Variants in LIPC observed in about 807,000 individuals in gnomAD.
LIPC encodes the protein lipase C, hepatic type.
Under a neutral mutation model 50.7 loss-of-function variants are expected in LIPC, and 44 were observed. The ratio of observed to expected loss-of-function variants is 0.87; its 90% CI spans 0.68 to 1.11. The LOEUF (loss-of-function observed/expected upper bound fraction) is 1.11. Among genes scored for constraint, LIPC ranks in the 50% most tolerant of loss-of-function variants. LIPC has a pLI of 0.00. For synonymous variants in LIPC, 271 were observed against 256.4 expected (o/e 1.06, Z -0.54); for missense variants, 697 against 648.2 (o/e 1.08, Z -0.82).
intron 1 of LIPC, among the ~76,000 whole-genome samples, chr15:58,482,556 A>G (rs541324371): frequency 2.8e-4 from 42 of 152,352 alleles, no homozygotes; most frequent in Admixed American, 5.2e-4. Context: ...GGTAAGAAAC[A>G]GTCCATGAAA....
chr15:58,471,030 G>C (rs988217475), intron 1 of LIPC, among the ~76,000 whole-genome samples: 1 of 151,790 alleles, frequency 6.6e-6, no homozygotes, highest in African/African-American at 2.4e-5. Flanking sequence ...TAGTATTTTT[G>C]CAGGAGAAAT....
intron 1 of LIPC, among the ~76,000 whole-genome samples, chr15:58,440,101 G>C (rs1240079302): frequency 2.6e-5 from 4 of 152,198 alleles, no homozygotes; most frequent in Non-Finnish European, 2.9e-5. Context: ...TTGTGAAAAT[G>C]TATTTGTCCA....
intron 1 of LIPC, among the ~76,000 whole-genome samples, chr15:58,450,998 G>A (rs527998897): frequency 8.5e-5 from 13 of 152,264 alleles, no homozygotes; most frequent in Admixed American, 2.6e-4. Context: ...CTGCAATTGC[G>A]ATTTATCAGT....
At chr15:58,489,217 C>CGGGGGGGGGGGGG (rs59532809) in intron 1 of LIPC, among the ~76,000 whole-genome samples, 2 of 16,560 alleles carry the variant, frequency 1.2e-4, no homozygotes, top group Non-Finnish European at 1.8e-4. Context: ...CATTTTGTTG[C>CGGGGGGGGGGGGG]GGGGGCGGGG....
intron 8 of LIPC, chr15:58,565,184 C>T: frequency 6.5e-7 from 1 of 1,535,466 alleles, no homozygotes; most frequent in Non-Finnish European, 8.7e-7. Flanking sequence ...AACAGATCTC[C>T]CAACAGGATC....
chr15:58,537,846 G>C (rs1893185905), intron 1 of LIPC, among the ~76,000 whole-genome samples: 1 of 152,040 alleles, frequency 6.6e-6, no homozygotes, highest in African/African-American at 2.4e-5. Flanking sequence ...TAATCTGTCT[G>C]CACGTGAGGA....
intron 1 of LIPC, among the ~76,000 whole-genome samples, chr15:58,499,321 C>G (rs1228664774): frequency 6.6e-6 from 1 of 152,186 alleles, no homozygotes; most frequent in Non-Finnish European, 1.5e-5. Flanking sequence ...GTTATGCTGG[C>G]TCAAAAACAG....
chr15:58,553,538 A>G (rs118174606), intron 6 of LIPC, among the ~76,000 whole-genome samples: 2,138 of 152,310 alleles, frequency 0.014, 22 homozygotes, highest in Non-Finnish European at 0.02. Context: ...GGCTGCAGTG[A>G]GACATGATGG....
chr15:58,561,526 C>T (rs1235755581), intron 7 of LIPC, among the ~76,000 whole-genome samples: 1 of 152,164 alleles, frequency 6.6e-6, no homozygotes, highest in Non-Finnish European at 1.5e-5. Flanking sequence ...GTAAATGTTT[C>T]TTATCAGACT....
At chr15:58,511,172 C>G (rs752983982) in intron 1 of LIPC, among the ~76,000 whole-genome samples, 2 of 152,182 alleles carry the variant, frequency 1.3e-5, no homozygotes, top group African/African-American at 2.4e-5. Context: ...GTACAAAATA[C>G]GAATTAAATG....
At chr15:58,437,565 A>C (rs1893347729) in intron 1 of LIPC, among the ~76,000 whole-genome samples, 1 of 152,136 alleles carries the variant, frequency 6.6e-6, no homozygotes, top group African/African-American at 2.4e-5. Context: ...GGCCCTGATC[A>C]GCTACAGTTA....
chr15:58,534,510 C>T (rs571339725), intron 1 of LIPC, among the ~76,000 whole-genome samples: 1 of 152,210 alleles, frequency 6.6e-6, no homozygotes, highest in Admixed American at 6.5e-5. Context: ...CTTATAGACT[C>T]ACGGTGACTT....
At chr15:58,464,618 G>C (rs1392984011) in intron 1 of LIPC, among the ~76,000 whole-genome samples, 1 of 152,150 alleles carries the variant, frequency 6.6e-6, no homozygotes, top group African/African-American at 2.4e-5. Flanking sequence ...AACTTCTTGG[G>C]ATGAGTCCTT....
At chr15:58,501,803 G>A (rs1410162129) in intron 1 of LIPC, among the ~76,000 whole-genome samples, 1 of 152,138 alleles carries the variant, frequency 6.6e-6, no homozygotes, top group East Asian at 1.9e-4. Flanking sequence ...ATCCAGCTCT[G>A]ACACTGTGGC....
intron 1 of LIPC, among the ~76,000 whole-genome samples, chr15:58,473,057 G>T (rs1389755748): frequency 6.6e-6 from 1 of 152,204 alleles, no homozygotes; most frequent in South Asian, 2.1e-4. Context: ...CAGCTGGGGA[G>T]GGGGAGGACG....
chr15:58,567,265 A>G lies in LIPC; in HGVS notation c.1389-1451A>G, dbSNP rs1266727494. On this transcript the variant is annotated intron_variant, in intron 8 of 8. Coordinates refer to ENST00000299022, the MANE Select transcript of LIPC (RefSeq NM_000236.3). ...TGTGTGTGTGTATATATATATGTATATGTGTGTGTGTGTGTGTATATATAT... is the reference window on the plus strand; with the variant it reads ...TGTGTGTGTGTATATATATATGTATGTGTGTGTGTGTGTGTGTATATATAT... Among the ~76,000 whole-genome samples, 95 of 118,552 alleles carry G rather than the reference A, an allele frequency of 8.0e-4. 1 individual carries two copies. Among genetic ancestry groups the G allele is most frequent in the Middle Eastern group, 4.5e-3 (1 of 220 alleles). The allele number at this position is 118,552 out of a possible 152,430, so 77.8% of individuals were successfully genotyped here. A position where few individuals can be genotyped will look rare whatever the true frequency, so the allele number is the denominator to read the frequency against.
At position 58,548,579 on chromosome 15, in the gene LIPC, G is replaced by A. The variant is rs1263258781; in HGVS notation, c.1051+7G>A. 9 of 1,587,274 alleles carry A rather than the reference G, an allele frequency of 5.7e-6. No homozygotes were observed. Among genetic ancestry groups the A allele is most frequent in the Non-Finnish European group, 6.0e-6 (7 of 1,168,156 alleles). ...GCCCAGTCCCCCTTCAAAGGTGAGT[G>A]TGGAGCTGGGGAGCCTTCAGAAGGG... On this transcript the variant is annotated splice_region_variant and intron_variant, in intron 6 of 8. Transcript: ENST00000299022.
At chr15:58,566,948 C>T (rs1435824192) in intron 8 of LIPC, among the ~76,000 whole-genome samples, 2 of 152,084 alleles carry the variant, frequency 1.3e-5, no homozygotes, top group Non-Finnish European at 2.9e-5. Flanking sequence ...AGGGGAATTT[C>T]ATTCAACAAC....
In LIPC at chr15:58,538,329, G is replaced by A. The variant is rs184587533; in HGVS notation, c.89-4G>A. 3.2e-4 allele frequency: 517 copies of A among 1,614,084 alleles called. 1 individual carries two copies. The African/African-American group carries it at 6.1e-3, about 19-fold the overall frequency. On this transcript the variant is annotated splice_polypyrimidine_tract_variant and splice_region_variant and intron_variant, in intron 1 of 8. Transcript: ENST00000299022. ...TAAGCACCGTCCCCAATCTTATATT[G>A]CAGAGCCATTTGGAAGAAGAGCTCA... is the stretch of plus-strand genomic sequence containing the variant.
Sources: allele counts gnomAD v4.1 joint callset (sites outside exome capture counted in the v4.1 genomes callset), GRCh38; gene constraint gnomAD v4.1.1; transcripts MANE v1.5; gene names NCBI Gene and HGNC (gene_info 2026-07-23, HGNC 2026-07-21).